KCNIP1: variants seen among roughly 807,000 people sequenced by gnomAD.
KCNIP1 encodes the protein A-type potassium channel modulatory protein KCNIP1.
KCNIP1 carries 18 observed loss-of-function variants against 33.0 expected under a neutral mutation model. The observed-to-expected ratio is 0.55, with a 90% CI of 0.38 to 0.81. The LOEUF is 0.81. Among genes scored for constraint, KCNIP1 ranks in the 30% least tolerant of loss-of-function variants. The pLI is 0.00. For synonymous variants in KCNIP1, 93 were observed against 98.3 expected (o/e 0.95, Z 0.32); for missense variants, 238 against 271.6 (o/e 0.88, Z 0.87).
At chr5:170,583,651 T>A (rs1463425513) in intron 1 of KCNIP1, among the ~76,000 whole-genome samples, 1 of 152,228 alleles carries the variant, frequency 6.6e-6, no homozygotes, top group Non-Finnish European at 1.5e-5. Flanking sequence ...GAGTTTAGGC[T>A]CTTGAGGCTC....
chr5:170,521,064 T>C (rs1755346673), intron 1 of KCNIP1, among the ~76,000 whole-genome samples: 2 of 152,226 alleles, frequency 1.3e-5, no homozygotes, highest in African/African-American at 2.4e-5. Context: ...GTTGTTACAG[T>C]GTGAGCCCAT....
At chr5:170,605,125 T>A (rs1348886191) in intron 1 of KCNIP1, among the ~76,000 whole-genome samples, 1 of 152,168 alleles carries the variant, frequency 6.6e-6, no homozygotes, top group Non-Finnish European at 1.5e-5. Context: ...TGTGCTCACC[T>A]CTTAGCTCCC....
intron 1 of KCNIP1, among the ~76,000 whole-genome samples, chr5:170,716,026 G>A (rs545792060): frequency 3.9e-5 from 6 of 152,306 alleles, no homozygotes; most frequent in African/African-American, 1.4e-4. Flanking sequence ...GGTGAAAACC[G>A]CTGCCCGTCA....
At chr5:170,400,296 A>T (rs1754866899) in intron 1 of KCNIP1, among the ~76,000 whole-genome samples, 1 of 152,218 alleles carries the variant, frequency 6.6e-6, no homozygotes, top group Non-Finnish European at 1.5e-5. Context: ...CAGGAAACTT[A>T]CAATCACGGA....
chr5:170,412,480 G>A (rs1004657716), intron 1 of KCNIP1, among the ~76,000 whole-genome samples: 3 of 152,172 alleles, frequency 2.0e-5, no homozygotes, highest in Non-Finnish European at 4.4e-5. Context: ...GAGGAAAAAT[G>A]CTATAGGAGA....
chr5:170,732,860 C>A lies in KCNIP1; in HGVS notation c.496C>A (p.Leu166Ile). The change falls in exon 6 of 8, where the codon CTC (leucine) becomes ATC (isoleucine). Residue 166 changes from leucine to isoleucine, a missense_variant. Leu to Ile is a conservative substitution (Grantham distance 5). Transcript: ENST00000328939. ...DMMGKYTYPV[L>I]KEDTPRQHVD... ...GATGGGGAAATACACATATCCTGTGCTCAAAGAGGACACTCCAAGGCAGCA... is the reference window on the plus strand; with the variant it reads ...GATGGGGAAATACACATATCCTGTGATCAAAGAGGACACTCCAAGGCAGCA... The A allele has an allele frequency of 6.2e-7, 1 of 1,613,720 alleles. No homozygotes were observed. The highest frequency in any genetic ancestry group is 8.5e-7 in the Non-Finnish European group (1 of 1,179,702).
At chr5:170,363,030 A>G (rs1763557069) in intron 1 of KCNIP1, among the ~76,000 whole-genome samples, 1 of 152,232 alleles carries the variant, frequency 6.6e-6, no homozygotes, top group African/African-American at 2.4e-5. Flanking sequence ...CAAACGCAAC[A>G]GGAAACATGA....
At chr5:170,465,110 G>A (rs1468525387) in intron 1 of KCNIP1, among the ~76,000 whole-genome samples, 1 of 152,176 alleles carries the variant, frequency 6.6e-6, no homozygotes, top group East Asian at 1.9e-4. Context: ...GGGACATGCT[G>A]GACGCTGGAG....
chr5:170,373,896 A>C (rs1763916431), intron 1 of KCNIP1, among the ~76,000 whole-genome samples: 1 of 152,232 alleles, frequency 6.6e-6, no homozygotes, highest in Non-Finnish European at 1.5e-5. Flanking sequence ...GAATTTCTCC[A>C]TGTCTCTCTG....
intron 1 of KCNIP1, among the ~76,000 whole-genome samples, chr5:170,429,643 T>C (rs761156979): frequency 3.0e-4 from 45 of 152,192 alleles, no homozygotes; most frequent in Non-Finnish European, 6.2e-4. Flanking sequence ...CAAGCCTCCA[T>C]TGTCTATTAT....
At chr5:170,555,035 G>T (rs1756796325) in intron 1 of KCNIP1, among the ~76,000 whole-genome samples, 1 of 152,172 alleles carries the variant, frequency 6.6e-6, no homozygotes, top group South Asian at 2.1e-4. Flanking sequence ...GACAAGCACT[G>T]TAATTATCCC....
chr5:170,478,338 A>C lies in KCNIP1; in HGVS notation c.88+124374A>C, dbSNP rs191293865. ...TATCACAGACTTAGGAAAAGGATGC[A>C]TGTTCCTTTAATTTGGCTCTTTTAA... is the stretch of plus-strand genomic sequence containing the variant. On this transcript the variant is annotated intron_variant, in intron 1 of 7. Transcript: ENST00000377360. Among the ~76,000 whole-genome samples, 5 of 152,348 alleles carry C rather than the reference A, an allele frequency of 3.3e-5. No homozygotes were observed. In the East Asian group the frequency reaches 9.6e-4, roughly 29 times the overall value.
rs111479515 is a variant in KCNIP1, at chr5:170,381,707, G to A, written c.88+27743G>A. 6.6e-3 allele frequency among the ~76,000 whole-genome samples: 1,002 copies of A among 152,324 alleles called. 7 individuals carry two copies. Among genetic ancestry groups the A allele is most frequent in the Middle Eastern group, 0.014 (4 of 294 alleles). The stretch of plus-strand genomic sequence containing the variant: ...CACATCCTGCTGACAGTTCATTCAG[G>A]GGATGCTCCTCTGAGCTGGCAATCT... On this transcript the variant is annotated intron_variant, in intron 1 of 7. Coordinates refer to the KCNIP1 transcript ENST00000377360.
chr5:170,552,802 G>T (rs535676847), intron 1 of KCNIP1, among the ~76,000 whole-genome samples: 68 of 152,240 alleles, frequency 4.5e-4, no homozygotes, highest in African/African-American at 1.6e-3. Context: ...AAGTTCAGCC[G>T]TGCTGCAGGG....
chr5:170,375,166 A>G (rs1763954881), intron 1 of KCNIP1: 1 of 152,240 alleles, frequency 6.6e-6, no homozygotes, highest in Non-Finnish European at 1.5e-5. Context: ...TTACGAAATA[A>G]TACAGAGACA....
intron 1 of KCNIP1, among the ~76,000 whole-genome samples, chr5:170,627,203 C>G (rs1581415745): frequency 6.6e-6 from 1 of 152,198 alleles, no homozygotes; most frequent in African/African-American, 2.4e-5. Context: ...CAGCCCCTCA[C>G]CATTCACTCA....
At chr5:170,415,568 G>A (rs2113415367) in intron 1 of KCNIP1, among the ~76,000 whole-genome samples, 1 of 152,214 alleles carries the variant, frequency 6.6e-6, no homozygotes, top group African/African-American at 2.4e-5. Flanking sequence ...GTTTCAGAAG[G>A]AACATCAAGT....
chr5:170,426,228 C>T (rs1755609614), intron 1 of KCNIP1, among the ~76,000 whole-genome samples: 1 of 145,398 alleles, frequency 6.9e-6, no homozygotes, highest in African/African-American at 2.6e-5. Context: ...TTTGCTAATG[C>T]TTTGTGACTC....
At chr5:170,488,587 G>A (rs13184664) in intron 1 of KCNIP1, among the ~76,000 whole-genome samples, 10 of 152,186 alleles carry the variant, frequency 6.6e-5, no homozygotes, top group Middle Eastern at 3.2e-3. Flanking sequence ...CATCTACAAG[G>A]TACAAAGCCC....
Sources: gnomAD v4.1 joint callset for allele counts (sites outside exome capture counted in the v4.1 genomes callset) on GRCh38, gnomAD v4.1.1 for gene constraint, MANE v1.5 for transcripts, NCBI Gene and HGNC (gene_info 2026-07-23, HGNC 2026-07-21) for gene names.